CUBN: variants seen among roughly 807,000 people sequenced by gnomAD.
The protein encoded by CUBN is cubilin, also known as 460 kDa receptor.
CUBN carries 282 observed loss-of-function variants against 405.3 expected under a neutral mutation model. That is an observed-to-expected ratio of 0.70 (90% CI 0.63 to 0.77). The LOEUF is 0.77. Ranked by LOEUF, CUBN falls within the 30% of genes least tolerant of loss-of-function variation. The pLI is 0.00. For synonymous variants in CUBN, 1,684 were observed against 1,617.0 expected (o/e 1.04, Z -0.99); for missense variants, 4,514 against 4,475.2 (o/e 1.01, Z -0.25).
At chr10:17,094,676 T>C (rs1004866246) in intron 14 of CUBN, among the ~76,000 whole-genome samples, 1 of 152,032 alleles carries the variant, frequency 6.6e-6, no homozygotes, top group Non-Finnish European at 1.5e-5. Context: ...AAAAGTTAAA[T>C]ACTTAGGAAT....
chr10:16,920,939 CATCTCT>C, intron 43 of CUBN, among the ~76,000 whole-genome samples: 1 of 152,308 alleles, frequency 6.6e-6, no homozygotes, highest in Non-Finnish European at 1.5e-5. Flanking sequence ...CCAACTCCCC[CATCTCT>C]GAAACTCTAA....
rs1839162793 is a variant in CUBN, at chr10:16,836,215, G to C, written c.10180+20C>G. The C allele has an allele frequency of 1.2e-6, 2 of 1,606,710 alleles. No individual in the cohort carries two copies. The highest frequency in any genetic ancestry group is 1.3e-5 in the African/African-American group (1 of 74,796). ...ATGATGGCAGCTTTTTTGAATAAAA[G>C]ATGAAGTTCCTGGCCTCACCTGCAA... On this transcript the variant is annotated intron_variant, in intron 63 of 66. Transcript: ENST00000377833.
Position 16,858,015 on chromosome 10 carries a change from C to T in CUBN, c.9455-6572G>A, listed in dbSNP as rs187344742. ...AATCAATCAAATTTTAATATACTAA[C>T]CATTAACATGTGGAGACCAAAATTA... On this transcript the variant is annotated intron_variant, in intron 59 of 66. Coordinates refer to ENST00000377833, the MANE Select transcript of CUBN (RefSeq NM_001081.4). 1.6e-4 allele frequency among the ~76,000 whole-genome samples: 24 copies of T among 152,136 alleles called. 1 individual carries two copies. The East Asian group carries it at 3.7e-3, about 23-fold the overall frequency.
At chr10:16,871,368 T>C (rs1167286475) in intron 58 of CUBN, among the ~76,000 whole-genome samples, 1 of 150,990 alleles carries the variant, frequency 6.6e-6, no homozygotes, top group African/African-American at 2.4e-5. Flanking sequence ...TGGCAGTAGC[T>C]CTAATAAACA....
chr10:17,054,482 A>G (rs1415294936), intron 22 of CUBN, among the ~76,000 whole-genome samples: 2 of 152,066 alleles, frequency 1.3e-5, no homozygotes, highest in African/African-American at 4.8e-5. Flanking sequence ...AACAGAAATC[A>G]ATTAAATGGA....
intron 22 of CUBN, among the ~76,000 whole-genome samples, chr10:17,051,414 C>T (rs1835265288): frequency 1.3e-5 from 2 of 151,740 alleles, no homozygotes; most frequent in South Asian, 4.2e-4. Flanking sequence ...AAAGAAATGT[C>T]ATCAGTAGTC....
In CUBN at chr10:16,906,089, G is replaced by A. The variant is rs570785858; in HGVS notation, c.7912+114C>T. On this transcript the variant is annotated intron_variant, in intron 50 of 66. Coordinates refer to ENST00000377833, the MANE Select transcript of CUBN (RefSeq NM_001081.4). The stretch of plus-strand genomic sequence containing the variant: ...TGATCACACCACTGCACTCCAGTCC[G>A]GGCAAGAGAGCAAGCTCCTGTCTCA... 5.5e-5 allele frequency: 47 copies of A among 855,668 alleles called. 1 individual carries two copies. Among genetic ancestry groups the A allele is most frequent in the South Asian group, 2.7e-4 (19 of 70,330 alleles). 53.0% of individuals were successfully genotyped at this position (855,668 alleles called of 1,614,324 possible).
chr10:17,078,706 A>C (rs1322270635), intron 17 of CUBN, among the ~76,000 whole-genome samples: 1 of 152,214 alleles, frequency 6.6e-6, no homozygotes, highest in Non-Finnish European at 1.5e-5. Context: ...TACTAGTACT[A>C]TCCCTATTAC....
At chr10:17,029,633 T>C (rs1248359046) in intron 27 of CUBN, among the ~76,000 whole-genome samples, 1 of 152,196 alleles carries the variant, frequency 6.6e-6, no homozygotes, top group Non-Finnish European at 1.5e-5. Flanking sequence ...TAATAGCTTA[T>C]CTCTAAGCTC....
intron 28 of CUBN, among the ~76,000 whole-genome samples, chr10:17,018,025 C>T (rs1473819135): frequency 6.6e-6 from 1 of 152,100 alleles, no homozygotes; most frequent in Non-Finnish European, 1.5e-5. Context: ...TCTCTGTCAA[C>T]CCTCAGCTCA....
chr10:16,914,111 T>C, intron 47 of CUBN, 119 bp from the exon 48 acceptor site: 3 of 1,060,452 alleles, frequency 2.8e-6, no homozygotes, highest in East Asian at 2.6e-5. Flanking sequence ...TTAGTCTCCA[T>C]ATTTATTTAT....
chr10:16,992,345 C>A (rs1158854830), intron 28 of CUBN, among the ~76,000 whole-genome samples: 1 of 152,148 alleles, frequency 6.6e-6, no homozygotes, highest in African/African-American at 2.4e-5. Context: ...ACATATGTGA[C>A]AAACCTGCAC....
Position 16,912,713 on chromosome 10 carries a change from G to C in CUBN, c.7533+1098C>G, listed in dbSNP as rs145494552. On this transcript the variant is annotated intron_variant, in intron 48 of 66. Coordinates refer to ENST00000377833, the MANE Select transcript of CUBN (RefSeq NM_001081.4). Reference sequence around the variant, plus strand: ...CATTCAGGGAACGGAATGGAGGCCAGGTGGCTGGATCCCAGAGAGCAAAGA... The same window carrying C: ...CATTCAGGGAACGGAATGGAGGCCACGTGGCTGGATCCCAGAGAGCAAAGA... 1.2e-3 allele frequency among the ~76,000 whole-genome samples: 187 copies of C among 152,318 alleles called. 1 individual carries two copies. Among genetic ancestry groups the C allele is most frequent in the Non-Finnish European group, 2.0e-3 (137 of 68,028 alleles).
chr10:17,119,349 G>A (rs1836979696), intron 6 of CUBN, among the ~76,000 whole-genome samples: 1 of 152,132 alleles, frequency 6.6e-6, no homozygotes, highest in Non-Finnish European at 1.5e-5. Flanking sequence ...GATCCCAAGG[G>A]CTGTCTTAAA....
At chr10:16,990,082 G>A (rs1468829377) in intron 29 of CUBN, among the ~76,000 whole-genome samples, 3 of 152,160 alleles carry the variant, frequency 2.0e-5, no homozygotes, top group Admixed American at 6.5e-5. Flanking sequence ...TCACTCACTC[G>A]TCCTGGGCTC....
chr10:17,065,468 T>C (rs1564500738), intron 22 of CUBN, 40 bp downstream of exon 22: 2 of 1,610,850 alleles, frequency 1.2e-6, no homozygotes, highest in Non-Finnish European at 8.5e-7. Flanking sequence ...TGTTTTGCAA[T>C]GGAGTCAATA....
Position 16,990,530 on chromosome 10 carries a change from A to G in CUBN, c.4169-15T>C, listed in dbSNP as rs769800545. On this transcript the variant is annotated splice_polypyrimidine_tract_variant and intron_variant, in intron 28 of 66. Transcript: ENST00000377833. Reference sequence around the variant, plus strand: ...TCCACCACAACCTGTTAAAACAGAAAGGTTCAGTCAGTTCAAAGTGGGCAA... The same window carrying G: ...TCCACCACAACCTGTTAAAACAGAAGGGTTCAGTCAGTTCAAAGTGGGCAA... 5.8e-5 allele frequency: 94 copies of G among 1,613,628 alleles called. No homozygotes were observed. In the East Asian group the frequency reaches 1.5e-3, roughly 25 times the overall value.
intron 58 of CUBN, among the ~76,000 whole-genome samples, chr10:16,870,726 T>C (rs182168434): frequency 6.6e-6 from 1 of 152,316 alleles, no homozygotes; most frequent in East Asian, 1.9e-4. Context: ...ACACTGAACA[T>C]GCTCATTACA....
chr10:17,040,300 T>G (rs974376530), intron 27 of CUBN, among the ~76,000 whole-genome samples: 21 of 152,142 alleles, frequency 1.4e-4, no homozygotes, highest in African/African-American at 4.6e-4. Flanking sequence ...TATTATATAT[T>G]AACAATATAG....
Sources: gnomAD v4.1 joint callset for allele counts (sites outside exome capture counted in the v4.1 genomes callset) on GRCh38, gnomAD v4.1.1 for gene constraint, MANE v1.5 for transcripts, NCBI Gene and HGNC (gene_info 2026-07-23, HGNC 2026-07-21) for gene names.